Variants in CYYR1 observed in about 807,000 individuals in gnomAD.
The protein encoded by CYYR1 is cysteine and tyrosine-rich protein 1.
A neutral mutation model predicts 15.2 loss-of-function variants in CYYR1; 14 were observed. That is an observed-to-expected ratio of 0.92 (90% CI 0.61 to 1.44). The LOEUF (loss-of-function observed/expected upper bound fraction) is 1.44, where lower values mean the gene tolerates loss of function less well. Ranked by LOEUF, CYYR1 falls within the 40% of genes most tolerant of loss-of-function variation. The pLI is 0.00. For synonymous variants in CYYR1, 80 were observed against 77.4 expected (o/e 1.03, Z -0.18); for missense variants, 228 against 209.5 (o/e 1.09, Z -0.54).
intron 1 of CYYR1, chr21:26,569,004 C>T (rs1441559028): frequency 6.6e-6 from 1 of 152,178 alleles, no homozygotes; most frequent in East Asian, 1.9e-4. Context: ...TTAGTTCAAC[C>T]ACTGTGGAAA....
chr21:26,480,738 C>T (rs1339705420), intron 2 of CYYR1, among the ~76,000 whole-genome samples: 3 of 152,060 alleles, frequency 2.0e-5, no homozygotes, highest in South Asian at 2.1e-4. Context: ...TCTAGATATG[C>T]TCTCCAAAGT....
intron 2 of CYYR1, among the ~76,000 whole-genome samples, chr21:26,509,480 G>T (rs1356593667): frequency 2.0e-5 from 3 of 152,134 alleles, no homozygotes; most frequent in Non-Finnish European, 2.9e-5. Flanking sequence ...TGATATATTA[G>T]GAGATAATAA....
intron 3 of CYYR1, among the ~76,000 whole-genome samples, chr21:26,469,491 T>C (rs888996713): frequency 1.3e-5 from 2 of 152,220 alleles, no homozygotes; most frequent in African/African-American, 4.8e-5. Flanking sequence ...TAAATAATTT[T>C]ATTTTTTTGA....
At chr21:26,478,461 G>A (rs1216014802) in intron 3 of CYYR1, among the ~76,000 whole-genome samples, 4 of 151,944 alleles carry the variant, frequency 2.6e-5, no homozygotes, top group Non-Finnish European at 5.9e-5. Context: ...CAGGGAGAGA[G>A]TAGAAAAAAA....
chr21:26,564,805 C>A (rs569077601), intron 2 of CYYR1: 1 of 1,248,798 alleles, frequency 8.0e-7, no homozygotes, highest in South Asian at 1.4e-5. Flanking sequence ...ATACTCGCAC[C>A]TCTACCTGGG....
At chr21:26,560,444 C>T (rs1980118795) in intron 2 of CYYR1, among the ~76,000 whole-genome samples, 1 of 152,070 alleles carries the variant, frequency 6.6e-6, no homozygotes. Flanking sequence ...TTGCACTGGC[C>T]AGGACTTCCA....
intron 2 of CYYR1, among the ~76,000 whole-genome samples, chr21:26,497,990 G>T (rs1179797283): frequency 6.6e-6 from 1 of 152,026 alleles, no homozygotes; most frequent in African/African-American, 2.4e-5. Context: ...GTTTTTATTT[G>T]GTTTGAAATT....
intron 2 of CYYR1, among the ~76,000 whole-genome samples, chr21:26,502,642 T>G (rs1260116206): frequency 6.6e-6 from 1 of 152,174 alleles, no homozygotes; most frequent in Admixed American, 6.5e-5. Context: ...CAGTGTCTAT[T>G]TCTTCTAGAG....
At chr21:26,532,238 A>G (rs930529516) in intron 2 of CYYR1, among the ~76,000 whole-genome samples, 2 of 152,200 alleles carry the variant, frequency 1.3e-5, no homozygotes, top group African/African-American at 2.4e-5. Context: ...TCATGAAAAC[A>G]GTAACAATGA....
chr21:26,515,328 AAAATCC>A (rs2065712075), intron 2 of CYYR1, among the ~76,000 whole-genome samples: 1 of 152,154 alleles, frequency 6.6e-6, no homozygotes, highest in South Asian at 2.1e-4. Context: ...CTCTTTCAGT[AAAATCC>A]ACCCTGATCT....
chr21:26,469,599 C>A (rs993743739), intron 3 of CYYR1, among the ~76,000 whole-genome samples: 3 of 152,086 alleles, frequency 2.0e-5, no homozygotes, highest in Admixed American at 6.6e-5. Context: ...GCATACCCAT[C>A]ATCTCAAACA....
chr21:26,529,191 G>A (rs989970484), intron 2 of CYYR1, among the ~76,000 whole-genome samples: 1 of 152,134 alleles, frequency 6.6e-6, no homozygotes, highest in African/African-American at 2.4e-5. Context: ...CTCAGTAAGT[G>A]GCATTTAGAG....
At chr21:26,558,150 C>G (rs182415406) in intron 2 of CYYR1, among the ~76,000 whole-genome samples, 15 of 152,140 alleles carry the variant, frequency 9.9e-5, no homozygotes, top group South Asian at 2.1e-4. Flanking sequence ...ATTTCAGGCC[C>G]CATCCAGACC....
chr21:26,491,849 G>T (rs2065333685), intron 2 of CYYR1, among the ~76,000 whole-genome samples: 1 of 152,120 alleles, frequency 6.6e-6, no homozygotes, highest in South Asian at 2.1e-4. Flanking sequence ...GCCCTCGCAA[G>T]TTCCCATTCT....
At chr21:26,480,898 G>A (rs2065171563) in intron 2 of CYYR1, among the ~76,000 whole-genome samples, 1 of 152,052 alleles carries the variant, frequency 6.6e-6, no homozygotes, top group African/African-American at 2.4e-5. Context: ...ACTCTTCATA[G>A]AACAAGAATA....
At position 26,561,865 on chromosome 21, in the gene CYYR1, C is replaced by T. The variant is rs1012035924; in HGVS notation, c.176+4401G>A. On this transcript the variant is annotated intron_variant, in intron 2 of 3. Coordinates refer to ENST00000652641, the MANE Select transcript of CYYR1 (RefSeq NM_001320768.2). ...ACCTTCATTTTCCTCAACTTTACTTCAGTTCCATGTTTAGCTTGTTCTACT... is the reference window on the plus strand; with the variant it reads ...ACCTTCATTTTCCTCAACTTTACTTTAGTTCCATGTTTAGCTTGTTCTACT... Among the ~76,000 whole-genome samples the T allele has an allele frequency of 5.3e-5, 8 of 152,174 alleles. No individual in the cohort carries two copies. The East Asian group carries it at 7.7e-4, about 15-fold the overall frequency.
intron 2 of CYYR1, among the ~76,000 whole-genome samples, chr21:26,554,286 G>T (rs1411226015): frequency 1.3e-5 from 2 of 152,032 alleles, no homozygotes; most frequent in African/African-American, 4.8e-5. Context: ...ATTCTTTAAT[G>T]AATCATTTTT....
chr21:26,489,506 A>G (rs1437057538), intron 2 of CYYR1, among the ~76,000 whole-genome samples: 1 of 152,098 alleles, frequency 6.6e-6, no homozygotes, highest in Non-Finnish European at 1.5e-5. Flanking sequence ...TCATATTAAA[A>G]AAATCAAACA....
chr21:26,486,834 T>C (rs1312349585), intron 2 of CYYR1, among the ~76,000 whole-genome samples: 1 of 152,124 alleles, frequency 6.6e-6, no homozygotes, highest in Non-Finnish European at 1.5e-5. Flanking sequence ...AGCAGCTTAC[T>C]AGTTATCTTG....
Sources: allele counts gnomAD v4.1 joint callset (sites outside exome capture counted in the v4.1 genomes callset), GRCh38; gene constraint gnomAD v4.1.1; transcripts MANE v1.5; gene names NCBI Gene and HGNC (gene_info 2026-07-23, HGNC 2026-07-21).